SIMC1: variants seen among roughly 807,000 people sequenced by gnomAD.
The protein encoded by SIMC1 is SUMO-interacting motif-containing protein 1.
In SIMC1, 55 loss-of-function variants were observed where a neutral mutation model predicts 82.3. That is an observed-to-expected ratio of 0.67 (90% CI 0.54 to 0.84). The LOEUF is 0.84. SIMC1 is among the 40% of genes least tolerant of loss of function. The pLI is 0.00. For synonymous variants in SIMC1, 353 were observed against 426.3 expected (o/e 0.83, Z 2.12); for missense variants, 915 against 1,107.2 (o/e 0.83, Z 2.46).
chr5:176,280,303 C>CT (rs1024559218), intron 1 of SIMC1, among the ~76,000 whole-genome samples: 2 of 151,836 alleles, frequency 1.3e-5, no homozygotes, highest in Admixed American at 6.6e-5. Context: ...CAACCCCTGC[C>CT]TTTTTTTTGT....
chr5:176,290,196 A>T lies in SIMC1; in HGVS notation c.672A>T (p.Arg224=), dbSNP rs981152333. ...CACAGGCCTTGCCGTGCCCCCTGCG[A>T]CCTTTGCCATGCCCACCGAGAGCCT... ...RPPQALPCPL[R]PLPCPPRASP... Residue 224 remains arginine (R), a synonymous_variant, in exon 2 of 10, where the codon CGA becomes CGT. Coordinates refer to ENST00000429602, the MANE Select transcript of SIMC1 (RefSeq NM_001308195.2). 1 of 1,610,982 alleles carries T rather than the reference A, an allele frequency of 6.2e-7. No individual in the cohort carries two copies. Among genetic ancestry groups the T allele is most frequent in the Admixed American group, 1.7e-5 (1 of 59,754 alleles).
At chr5:176,275,445 C>T (rs1405586721) in intron 1 of SIMC1, among the ~76,000 whole-genome samples, 1 of 151,774 alleles carries the variant, frequency 6.6e-6, no homozygotes, top group Non-Finnish European at 1.5e-5. Context: ...TCCTCTTTTC[C>T]TAATTGAATA....
chr5:176,272,678 T>C (rs1762498077), intron 1 of SIMC1, among the ~76,000 whole-genome samples: 1 of 152,174 alleles, frequency 6.6e-6, no homozygotes, highest in South Asian at 2.1e-4. Context: ...GGGAATTCCC[T>C]TTCCTAGCCA....
intron 4 of SIMC1, among the ~76,000 whole-genome samples, chr5:176,306,479 A>T (rs1263705433): frequency 7.0e-6 from 1 of 143,390 alleles, no homozygotes; most frequent in Non-Finnish European, 1.6e-5. Flanking sequence ...AAGGCGGGAA[A>T]GGTGGGGAAA....
At chr5:176,332,193 C>T (rs942029205) in intron 7 of SIMC1, among the ~76,000 whole-genome samples, 6 of 152,086 alleles carry the variant, frequency 3.9e-5, no homozygotes, top group African/African-American at 1.4e-4. Context: ...CCTCTTCTGG[C>T]TTTTGGATTG....
Position 176,345,498 on chromosome 5 carries a change from T to C in SIMC1, c.*53T>C. ...ATACCTCCTGAACTCTCTCTCCAAC[T>C]GCTCAGAAGCTCTAAAAGCATGAAA... On this transcript the variant is annotated 3_prime_UTR_variant, in exon 10 of 10. Coordinates refer to ENST00000429602, the MANE Select transcript of SIMC1 (RefSeq NM_001308195.2). 6.5e-7 allele frequency: 1 copy of C among 1,546,816 alleles called. No homozygotes were observed. The highest frequency in any genetic ancestry group is 8.7e-7 in the Non-Finnish European group (1 of 1,148,534).
chr5:176,243,656 G>A lies in SIMC1; in HGVS notation c.129+5019G>A, dbSNP rs1476888618. ...CCCCACCTCAGCCTCCCGAGTAGCC[G>A]GGACTACAAGCACACCACCACGCTT... On this transcript the variant is annotated intron_variant, in intron 1 of 9. Coordinates refer to ENST00000429602, the MANE Select transcript of SIMC1 (RefSeq NM_001308195.2). Among the ~76,000 whole-genome samples, 5 of 151,984 alleles carry A rather than the reference G, an allele frequency of 3.3e-5. 1 individual carries two copies. The South Asian group carries it at 1.0e-3, about 32-fold the overall frequency.
In SIMC1 at chr5:176,293,247, G is replaced by A. The variant is rs1763658167; in HGVS notation, c.1432-1783G>A. On this transcript the variant is annotated intron_variant, in intron 2 of 9. Coordinates refer to ENST00000429602, the MANE Select transcript of SIMC1 (RefSeq NM_001308195.2). The stretch of plus-strand genomic sequence containing the variant: ...GAGCCCAGGAGTTTGAGACCAGCCT[G>A]GGCAACATAGTGAAACCCCCTCTAT... Among the ~76,000 whole-genome samples, 7 of 151,968 alleles carry A rather than the reference G, an allele frequency of 4.6e-5. No individual in the cohort carries two copies. The South Asian group carries it at 1.5e-3, about 32-fold the overall frequency.
intron 5 of SIMC1, among the ~76,000 whole-genome samples, chr5:176,316,804 G>A (rs1169041166): frequency 6.6e-6 from 1 of 151,966 alleles, no homozygotes; most frequent in African/African-American, 2.4e-5. Context: ...GACCAGCCTG[G>A]CCTCAAAACC....
At chr5:176,252,345 G>T (rs1019021122) in intron 1 of SIMC1, among the ~76,000 whole-genome samples, 1 of 151,888 alleles carries the variant, frequency 6.6e-6, no homozygotes, top group Non-Finnish European at 1.5e-5. Context: ...TTCCCAGACG[G>T]GGTGGCTGCC....
chr5:176,268,639 A>G (rs1427774719), intron 1 of SIMC1, among the ~76,000 whole-genome samples: 1 of 152,236 alleles, frequency 6.6e-6, no homozygotes. Flanking sequence ...TAAGAATTAC[A>G]TGTGTATATG....
chr5:176,284,258 T>G (rs974317324), intron 1 of SIMC1, among the ~76,000 whole-genome samples: 7 of 152,196 alleles, frequency 4.6e-5, no homozygotes, highest in African/African-American at 1.7e-4. Context: ...ATTCCAAAAC[T>G]GACCACATAG....
At chr5:176,274,251 G>GC (rs921961026) in intron 1 of SIMC1, among the ~76,000 whole-genome samples, 2 of 133,126 alleles carry the variant, frequency 1.5e-5, no homozygotes, top group African/African-American at 5.6e-5. Flanking sequence ...TTCTCTGATG[G>GC]CCAGTGATGA....
chr5:176,325,719 TTAAA>T (rs1167966966), intron 7 of SIMC1, among the ~76,000 whole-genome samples: 2 of 151,976 alleles, frequency 1.3e-5, no homozygotes, highest in South Asian at 2.1e-4. Flanking sequence ...ACTTAATTAA[TTAAA>T]TAAATAATAA....
At chr5:176,243,795 AGGC>A in intron 1 of SIMC1, among the ~76,000 whole-genome samples, 1 of 152,124 alleles carries the variant, frequency 6.6e-6, no homozygotes, top group African/African-American at 2.4e-5. Flanking sequence ...CTGGGATTAC[AGGC>A]GTGAGCCACT....
intron 1 of SIMC1, among the ~76,000 whole-genome samples, chr5:176,272,348 A>G (rs765984827): frequency 1.3e-5 from 2 of 151,034 alleles, no homozygotes; most frequent in Non-Finnish European, 2.9e-5. Context: ...ACTTCTATTC[A>G]GAATTATACT....
chr5:176,286,620 A>G (rs1339064136), intron 1 of SIMC1, among the ~76,000 whole-genome samples: 1 of 152,262 alleles, frequency 6.6e-6, no homozygotes, highest in Admixed American at 6.5e-5. Context: ...TGGCAGCAAA[A>G]GCCAAAATTG....
At chr5:176,319,763 TTC>T (rs148543296) in intron 5 of SIMC1, among the ~76,000 whole-genome samples, 10,484 of 152,210 alleles carry the variant, frequency 0.069, 1,201 homozygotes, top group African/African-American at 0.24. Context: ...TTTTTGTTTA[TTC>T]TCTGTTTCTC....
chr5:176,242,084 C>T (rs984991119), intron 1 of SIMC1, among the ~76,000 whole-genome samples: 1 of 152,044 alleles, frequency 6.6e-6, no homozygotes, highest in African/African-American at 2.4e-5. Flanking sequence ...CACTTGTTAC[C>T]GTGATACACA....
Sources: allele counts gnomAD v4.1 joint callset (sites outside exome capture counted in the v4.1 genomes callset), GRCh38; gene constraint gnomAD v4.1.1; transcripts MANE v1.5; gene names NCBI Gene and HGNC (gene_info 2026-07-23, HGNC 2026-07-21).